Variants in SNTG1 observed in about 807,000 individuals in gnomAD.
The protein encoded by SNTG1 is syntrophin gamma 1.
A neutral mutation model predicts 74.7 loss-of-function variants in SNTG1; 39 were observed. The ratio of observed to expected loss-of-function variants is 0.52; its 90% CI spans 0.40 to 0.68. The LOEUF (loss-of-function observed/expected upper bound fraction) is 0.68. Ranked by LOEUF, SNTG1 falls within the 30% of genes least tolerant of loss-of-function variation. SNTG1 has a pLI of 0.00. For synonymous variants in SNTG1, 254 were observed against 217.1 expected, an observed-to-expected ratio of 1.17 and a Z score of -1.49; for missense variants, 685 against 609.5, an observed-to-expected ratio of 1.12 and a Z score of -1.30.
chr8:50,605,173 T>G (rs146618455), intron 13 of SNTG1, among the ~76,000 whole-genome samples: 1 of 151,972 alleles, frequency 6.6e-6, no homozygotes, highest in Non-Finnish European at 1.5e-5. Flanking sequence ...AATGAAGGAG[T>G]CACTTTCATT....
chr8:50,285,593 A>G (rs115308972), intron 2 of SNTG1, among the ~76,000 whole-genome samples: 10,429 of 151,926 alleles, frequency 0.069, 401 homozygotes, highest in African/African-American at 0.084. Context: ...AACCTCTCTC[A>G]TCTCATTATT....
At position 50,471,267 on chromosome 8, in the gene SNTG1, C is replaced by T. The variant is rs543778346; in HGVS notation, c.363+20538C>T. ...TAATTTTTTTTTTTTTGGAGACACC[C>T]TTGCTCCTATCAGAGTGTGTTTCAA... On this transcript the variant is annotated intron_variant, in intron 8 of 18. Coordinates refer to ENST00000642720, the MANE Select transcript of SNTG1 (RefSeq NM_018967.5). 3.3e-5 allele frequency among the ~76,000 whole-genome samples: 5 copies of T among 151,918 alleles called. No homozygotes were observed. The South Asian group carries it at 1.0e-3, about 32-fold the overall frequency.
intron 1 of SNTG1, among the ~76,000 whole-genome samples, chr8:50,122,488 C>G (rs2081029535): frequency 7.1e-6 from 1 of 141,358 alleles, no homozygotes; most frequent in South Asian, 2.7e-4. Context: ...GCACTCAGCC[C>G]TTTGGACCTC....
intron 18 of SNTG1, among the ~76,000 whole-genome samples, chr8:50,781,160 C>T (rs1479158121): frequency 2.6e-5 from 4 of 151,904 alleles, no homozygotes; most frequent in African/African-American, 9.7e-5. Flanking sequence ...TTGTATGTTG[C>T]TGAAAAAAAT....
intron 11 of SNTG1, among the ~76,000 whole-genome samples, chr8:50,540,197 G>A (rs1398496574): frequency 6.6e-6 from 1 of 152,094 alleles, no homozygotes; most frequent in African/African-American, 2.4e-5. Context: ...AAATCCACAA[G>A]TATTGATATT....
rs1282849949 is a variant in SNTG1, at chr8:50,794,974, G to A, written c.*2145G>A. ...AGCCTATGCTCATGTGTGTTACGAA[G>A]GAAAAGGTGCACAATGAGATATGTA... On this transcript the variant is annotated 3_prime_UTR_variant, in exon 19 of 19. Coordinates refer to ENST00000642720, the MANE Select transcript of SNTG1 (RefSeq NM_018967.5). 1 of 151,704 alleles carries A rather than the reference G, an allele frequency of 6.6e-6. No homozygotes were observed. The highest frequency in any genetic ancestry group is 2.4e-5 in the African/African-American group (1 of 41,278). 9.4% of individuals were successfully genotyped at this position (151,704 alleles called of 1,614,324 possible). A position where few individuals can be genotyped will look rare whatever the true frequency, so the allele number is the denominator to read the frequency against.
At chr8:50,282,607 CA>C (rs60061285) in intron 2 of SNTG1, among the ~76,000 whole-genome samples, 127,818 of 151,636 alleles carry the variant, frequency 0.84, 55,364 homozygotes, top group East Asian at 1. Flanking sequence ...ACTGAAAATA[CA>C]AAAAAAAATT....
intron 2 of SNTG1, among the ~76,000 whole-genome samples, chr8:50,359,965 A>C (rs370579786): frequency 1.3e-5 from 2 of 152,220 alleles, no homozygotes; most frequent in South Asian, 2.1e-4. Flanking sequence ...TAACTTACTA[A>C]AATCTTCATG....
At chr8:50,540,525 GCT>G (rs1165166312) in intron 11 of SNTG1, among the ~76,000 whole-genome samples, 1 of 152,054 alleles carries the variant, frequency 6.6e-6, no homozygotes, top group Non-Finnish European at 1.5e-5. Context: ...TTCGTTAGAG[GCT>G]CTGATCCTCT....
intron 1 of SNTG1, among the ~76,000 whole-genome samples, chr8:50,006,260 C>T (rs898471749): frequency 4.6e-5 from 7 of 152,078 alleles, no homozygotes; most frequent in Admixed American, 6.5e-5. Context: ...CGTGCCCGGC[C>T]TAGTAGCACT....
intron 15 of SNTG1, among the ~76,000 whole-genome samples, chr8:50,678,153 G>C (rs1165471377): frequency 6.6e-6 from 1 of 151,246 alleles, no homozygotes; most frequent in Non-Finnish European, 1.5e-5. Flanking sequence ...TAGTGTTCTT[G>C]CTATTTGTGC....
intron 11 of SNTG1, among the ~76,000 whole-genome samples, chr8:50,543,581 A>T (rs1463221345): frequency 1.3e-5 from 2 of 152,032 alleles, no homozygotes; most frequent in Non-Finnish European, 1.5e-5. Flanking sequence ...TAGCACATTT[A>T]AAAAATTCAA....
At chr8:50,747,412 TCTA>T (rs1214701381) in intron 17 of SNTG1, among the ~76,000 whole-genome samples, 1 of 137,706 alleles carries the variant, frequency 7.3e-6, no homozygotes, top group East Asian at 2.1e-4. Flanking sequence ...GCCTCAGAAA[TCTA>T]GCTTAAGTAC....
chr8:49,981,880 T>C (rs907512083), intron 1 of SNTG1, among the ~76,000 whole-genome samples: 4 of 152,120 alleles, frequency 2.6e-5, no homozygotes, highest in Non-Finnish European at 4.4e-5. Context: ...TGTAGTGAAA[T>C]AAAAAATATT....
chr8:50,013,762 T>G (rs1816051776), intron 1 of SNTG1, among the ~76,000 whole-genome samples: 2 of 152,096 alleles, frequency 1.3e-5, no homozygotes, highest in Non-Finnish European at 1.5e-5. Flanking sequence ...TTCACATATA[T>G]TTAACATTTT....
chr8:50,745,545 C>T (rs992819962), intron 17 of SNTG1, among the ~76,000 whole-genome samples: 1 of 152,126 alleles, frequency 6.6e-6, no homozygotes. Context: ...TTTAACAGTG[C>T]AGCTTCTCAG....
chr8:50,738,159 C>T (rs560846072), intron 17 of SNTG1, among the ~76,000 whole-genome samples: 4 of 152,156 alleles, frequency 2.6e-5, no homozygotes, highest in Non-Finnish European at 4.4e-5. Flanking sequence ...TTTAGAAAAC[C>T]CCATCGTCTC....
chr8:49,981,422 G>T (rs1402523836), intron 1 of SNTG1, among the ~76,000 whole-genome samples: 1 of 90,946 alleles, frequency 1.1e-5, no homozygotes, highest in Admixed American at 1.2e-4. Flanking sequence ...TATCTTGGAG[G>T]CAGGCTAGAC....
intron 13 of SNTG1, among the ~76,000 whole-genome samples, chr8:50,602,876 G>A (rs1368776411): frequency 1.3e-5 from 2 of 148,258 alleles, no homozygotes; most frequent in Non-Finnish European, 3.0e-5. Context: ...GCTGCCAGAT[G>A]TATTGGAGCT....
Sources: allele counts gnomAD v4.1 joint callset (sites outside exome capture counted in the v4.1 genomes callset), GRCh38; gene constraint gnomAD v4.1.1; transcripts MANE v1.5; gene names NCBI Gene and HGNC (gene_info 2026-07-23, HGNC 2026-07-21).